KAZALD1: variants seen among roughly 807,000 people sequenced by gnomAD.
The protein encoded by KAZALD1 is kazal-type serine protease inhibitor domain-containing protein 1.
A neutral mutation model predicts 27.7 loss-of-function variants in KAZALD1; 31 were observed. That is an observed-to-expected ratio of 1.12 (90% CI 0.84 to 1.51). KAZALD1 has a LOEUF of 1.51. Ranked by LOEUF, KAZALD1 falls within the 40% of genes most tolerant of loss-of-function variation. The pLI, the probability that KAZALD1 is intolerant of heterozygous loss-of-function variation, is 0.00. For synonymous variants in KAZALD1, 179 were observed against 182.0 expected (o/e 0.98, Z 0.13); for missense variants, 444 against 408.9 (o/e 1.09, Z -0.74).
downstream of KAZALD1, chr10:101,067,331 C>T (rs1457167178): frequency 2.2e-6 from 1 of 456,430 alleles, no homozygotes; most frequent in Non-Finnish European, 4.4e-6. Context: ...CAGTCGCACC[C>T]TACATTTCCC....
chr10:101,062,924 A>G lies in KAZALD1; in HGVS notation c.332A>G (p.Asp111Gly), dbSNP rs1034366940. ...GGCGAGCAGCTTGAGTGCCGGCTGG[A>G]CACAGGCGGCGACCTGAGCCGCGGA... Reference protein sequence around the residue: ...HCGEQLECRLDTGGDLSRGEV... With the variant: ...HCGEQLECRLGTGGDLSRGEV... The change falls in exon 2 of 5, where the codon GAC (aspartate) becomes GGC (glycine). Residue 111 changes from aspartate to glycine, a missense_variant. Asp to Gly is a moderately conservative substitution (Grantham distance 94, BLOSUM62 -1). Coordinates refer to ENST00000370200, the MANE Select transcript of KAZALD1 (RefSeq NM_030929.5). 8.7e-6 allele frequency: 14 copies of G among 1,602,732 alleles called. No homozygotes were observed. Among genetic ancestry groups the G allele is most frequent in the Non-Finnish European group, 1.1e-5 (13 of 1,179,598 alleles).
At chr10:101,064,214 C>A (rs1318875671) in intron 2 of KAZALD1, 47 bp from the exon 3 acceptor site, 3 of 1,606,680 alleles carry the variant, frequency 1.9e-6, no homozygotes, top group Admixed American at 3.3e-5. Context: ...AGACTGGATG[C>A]CTTTGCTGGG....
In KAZALD1 at chr10:101,065,047, T is replaced by C. The variant is rs1284530103; in HGVS notation, c.*127T>C. On this transcript the variant is annotated 3_prime_UTR_variant, in exon 5 of 5. Coordinates refer to ENST00000370200, the MANE Select transcript of KAZALD1 (RefSeq NM_030929.5). The stretch of plus-strand genomic sequence containing the variant: ...TTCATGCTGTCAGTAGGGATGATCA[T>C]GGGAGGCCTATTTGACTCCAAGGTA... 1.5e-6 allele frequency: 1 copy of C among 676,406 alleles called. No homozygotes were observed. Among genetic ancestry groups the C allele is most frequent in the Non-Finnish European group, 2.6e-6 (1 of 383,906 alleles). The allele number at this position is 676,406 out of a possible 1,614,324, so 41.9% of individuals were successfully genotyped here. A position where few individuals can be genotyped will look rare whatever the true frequency, so the allele number is the denominator to read the frequency against.
chr10:101,065,190 C>T lies in KAZALD1; in HGVS notation c.*270C>T, dbSNP rs976448811. The T allele has an allele frequency of 1.4e-4, 61 of 428,054 alleles. No individual in the cohort carries two copies. The highest frequency in any genetic ancestry group is 3.1e-4 in the Admixed American group (8 of 26,160). 26.5% of individuals were successfully genotyped at this position (428,054 alleles called of 1,614,324 possible). ...ATGCCCTGGCCAGTAGGACCTCCAA[C>T]AGGTTGTTTCCCAGGCTGGGGTGGG... On this transcript the variant is annotated 3_prime_UTR_variant, in exon 5 of 5. Transcript: ENST00000370200.
rs1204005906 is a variant in KAZALD1, at chr10:101,066,566, G to C, written c.*1646G>C. On this transcript the variant is annotated 3_prime_UTR_variant, in exon 5 of 5. Coordinates refer to ENST00000370200, the MANE Select transcript of KAZALD1 (RefSeq NM_030929.5). ...TCAGAGGGGTAGGCGGGGGTGGGGC[G>C]TGCTGTTCGGCGCTGTGGCCAAAAT... 1 of 444,706 alleles carries C rather than the reference G, an allele frequency of 2.2e-6. No homozygotes were observed. The highest frequency in any genetic ancestry group is 2.4e-5 in the Admixed American group (1 of 42,108). 27.5% of individuals were successfully genotyped at this position (444,706 alleles called of 1,614,324 possible). A position where few individuals can be genotyped will look rare whatever the true frequency, so the allele number is the denominator to read the frequency against.
At chr10:101,067,491 G>A, downstream of KAZALD1, 1 of 364,582 alleles carries the variant, frequency 2.7e-6, no homozygotes, top group South Asian at 2.0e-5. Context: ...GGTCTCGGCC[G>A]GGCTCTTCTC....
intron 1 of KAZALD1, 103 bp downstream of exon 1, chr10:101,062,218 G>T: frequency 3.7e-6 from 1 of 270,280 alleles, no homozygotes; most frequent in Non-Finnish European, 7.0e-6. Flanking sequence ...CATTCTCTTT[G>T]GGCAAGGATG....
In KAZALD1 at chr10:101,064,363, G is replaced by A. The variant is rs148204704; in HGVS notation, c.614G>A (p.Trp205Ter). The A allele has an allele frequency of 6.2e-7, 1 of 1,614,230 alleles. No individual in the cohort carries two copies. The highest frequency in any genetic ancestry group is 1.7e-5 in the Admixed American group (1 of 60,036). The change falls in exon 3 of 5, where the codon TGG becomes TAG. Residue 205 changes from tryptophan (W) to a stop codon, truncating the protein, a stop_gained. Coordinates refer to ENST00000370200, the MANE Select transcript of KAZALD1 (RefSeq NM_030929.5). LOFTEE classifies it high-confidence loss of function. ...VFAYPMASIE[W>*]RKDGLDIQLP... ...GCCTACCCCATGGCCTCCATCGAGT[G>A]GAGGAAGGATGGCTTGGACATCCAG...
At position 101,062,917 on chromosome 10, in the gene KAZALD1, C is replaced by A; in HGVS notation, c.325C>A (p.Arg109=). 1.2e-6 allele frequency: 2 copies of A among 1,603,042 alleles called. No individual in the cohort carries two copies. Among genetic ancestry groups the A allele is most frequent in the Non-Finnish European group, 1.7e-6 (2 of 1,179,618 alleles). The change falls in exon 2 of 5, where the codon CGG becomes AGG. Residue 109 remains arginine, a synonymous_variant. Coordinates refer to ENST00000370200, the MANE Select transcript of KAZALD1 (RefSeq NM_030929.5). The stretch of plus-strand genomic sequence containing the variant: ...GCACTGCGGCGAGCAGCTTGAGTGC[C>A]GGCTGGACACAGGCGGCGACCTGAG... ...YGHCGEQLEC[R]LDTGGDLSRG...
chr10:101,065,444 G>A lies in KAZALD1; in HGVS notation c.*524G>A, dbSNP rs1392524319. 3.5e-5 allele frequency: 6 copies of A among 169,244 alleles called. No individual in the cohort carries two copies. The highest frequency in any genetic ancestry group is 1.7e-4 in the East Asian group (1 of 5,906). The allele number at this position is 169,244 out of a possible 1,614,324, so 10.5% of individuals were successfully genotyped here. On this transcript the variant is annotated 3_prime_UTR_variant, in exon 5 of 5. Transcript: ENST00000370200. ...ACTGCAGTCCCTTTTGCTGTCTGCC[G>A]TCTTTTGTACAAGAGAGAGAACAGC...
intron 2 of KAZALD1, among the ~76,000 whole-genome samples, chr10:101,063,699 G>GA (rs760253741): frequency 1.3e-5 from 2 of 152,218 alleles, no homozygotes; most frequent in Non-Finnish European, 2.9e-5. Context: ...GGGGCAGCCA[G>GA]AAAACAAACA....
chr10:101,066,180 G>T lies in KAZALD1; in HGVS notation c.*1260G>T, dbSNP rs190873125. 1 of 331,252 alleles carries T rather than the reference G, an allele frequency of 3.0e-6. No homozygotes were observed. Among genetic ancestry groups the T allele is most frequent in the Non-Finnish European group, 6.0e-6 (1 of 166,286 alleles). The allele number at this position is 331,252 out of a possible 1,614,324, so 20.5% of individuals were successfully genotyped here. On this transcript the variant is annotated 3_prime_UTR_variant, in exon 5 of 5. Transcript: ENST00000370200. Reference sequence around the variant, plus strand: ...AATGAAAGCATAAGTCAGCGAGGCCGAGGCGCTGTGTGTAGATGGCGACAG... The same window carrying T: ...AATGAAAGCATAAGTCAGCGAGGCCTAGGCGCTGTGTGTAGATGGCGACAG...
At chr10:101,063,225 A>G in intron 2 of KAZALD1, 122 bp downstream of exon 2, 1 of 848,444 alleles carries the variant, frequency 1.2e-6, no homozygotes, top group Non-Finnish European at 1.7e-6. Context: ...AGAGGCCTCG[A>G]GTCCAGTATA....
chr10:101,064,398 G>T lies in KAZALD1; in HGVS notation c.649G>T (p.Asp217Tyr). The T allele has an allele frequency of 1.2e-6, 2 of 1,614,202 alleles. No individual in the cohort carries two copies. Among genetic ancestry groups the T allele is most frequent in the Admixed American group, 1.7e-5 (1 of 60,020 alleles). Residue 217 changes from aspartate (D) to tyrosine (Y), a missense_variant, in exon 3 of 5, where the codon GAT becomes TAT. Physicochemically the swap from Asp to Tyr is radical, Grantham distance 160 (BLOSUM62 -3). Coordinates refer to ENST00000370200, the MANE Select transcript of KAZALD1 (RefSeq NM_030929.5). ...KDGLDIQLPG[D>Y]DPHISVQFRG... ...TGGCTTGGACATCCAGCTGCCAGGG[G>T]ATGACCCCCACATCTCTGTGCAGGT...
In KAZALD1 at chr10:101,064,862, C is replaced by T. The variant is rs1013225273; in HGVS notation, c.857C>T (p.Ser286Leu). 1 of 1,614,166 alleles carries T rather than the reference C, an allele frequency of 6.2e-7. No homozygotes were observed. The highest frequency in any genetic ancestry group is 1.7e-4 in the Middle Eastern group (1 of 6,056). Residue 286 changes from serine to leucine, a missense_variant, in exon 5 of 5, where the codon TCA (serine) becomes TTA (leucine). Transcript: ENST00000370200. ...TCTACAGGCATCCCCCAGCTGCGAT[C>T]ACTAAACCTGGTTCCTGAGGAGGAG... Reference protein sequence around the residue: ...LNSTGIPQLRSLNLVPEEEAE... With the variant: ...LNSTGIPQLRLLNLVPEEEAE...
In KAZALD1 at chr10:101,066,438, T is replaced by C. The variant is rs1309370861; in HGVS notation, c.*1518T>C. 2 of 456,636 alleles carry C rather than the reference T, an allele frequency of 4.4e-6. No individual in the cohort carries two copies. The highest frequency in any genetic ancestry group is 2.0e-5 in the African/African-American group (1 of 50,102). 28.3% of individuals were successfully genotyped at this position (456,636 alleles called of 1,614,324 possible). A position where few individuals can be genotyped will look rare whatever the true frequency, so the allele number is the denominator to read the frequency against. On this transcript the variant is annotated 3_prime_UTR_variant, in exon 5 of 5. Coordinates refer to ENST00000370200, the MANE Select transcript of KAZALD1 (RefSeq NM_030929.5). The stretch of plus-strand genomic sequence containing the variant: ...GTCCTTAAGCCAGCGACAGTTTTTA[T>C]TGCCGAACCCAGGCTGGAAGCGGGC...
intron 2 of KAZALD1, 82 bp downstream of exon 2, chr10:101,063,185 TGGCCAGCAGA>T: frequency 3.2e-6 from 4 of 1,257,142 alleles, no homozygotes; most frequent in Non-Finnish European, 3.2e-6. Context: ...CATTGGTCTC[TGGCCAGCAGA>T]GCAAAAAAGA....
chr10:101,065,179 A>C lies in KAZALD1; in HGVS notation c.*259A>C. The C allele has an allele frequency of 2.2e-6, 1 of 458,502 alleles. No individual in the cohort carries two copies. Among genetic ancestry groups the C allele is most frequent in the Admixed American group, 3.6e-5 (1 of 27,612 alleles). The allele number at this position is 458,502 out of a possible 1,614,324, so 28.4% of individuals were successfully genotyped here. A position where few individuals can be genotyped will look rare whatever the true frequency, so the allele number is the denominator to read the frequency against. The stretch of plus-strand genomic sequence containing the variant: ...CCATGCAGGAGATGCCCTGGCCAGT[A>C]GGACCTCCAACAGGTTGTTTCCCAG... On this transcript the variant is annotated 3_prime_UTR_variant, in exon 5 of 5. Transcript: ENST00000370200.
At chr10:101,063,293 G>A (rs1015492492) in intron 2 of KAZALD1, among the ~76,000 whole-genome samples, 190 bp downstream of exon 2, 17 of 152,292 alleles carry the variant, frequency 1.1e-4, no homozygotes, top group Admixed American at 1.0e-3. Flanking sequence ...GGGGTGGGGG[G>A]TGGAGTGGAG....
Sources: gnomAD v4.1 joint callset for allele counts (sites outside exome capture counted in the v4.1 genomes callset) on GRCh38, gnomAD v4.1.1 for gene constraint, MANE v1.5 for transcripts, NCBI Gene and HGNC (gene_info 2026-07-23, HGNC 2026-07-21) for gene names.